The following PKHD1L1 variants were observed in gnomAD, a reference collection of about 807,000 sequenced individuals.
PKHD1L1 encodes PKHD1 like 1.
A neutral mutation model predicts 462.9 loss-of-function variants in PKHD1L1; 434 were observed. The observed-to-expected ratio is 0.94, with a 90% CI of 0.87 to 1.02. The LOEUF is 1.02. Among genes scored for constraint, PKHD1L1 ranks in the 50% least tolerant of loss-of-function variants. The pLI is 0.00. For synonymous variants in PKHD1L1, 1,781 were observed against 1,750.0 expected (o/e 1.02, Z -0.44); for missense variants, 5,202 against 5,096.1 (o/e 1.02, Z -0.63).
intron 67 of PKHD1L1, among the ~76,000 whole-genome samples, chr8:109,503,294 A>C (rs1192275480): frequency 2.9e-4 from 1 of 3,394 alleles, no homozygotes; most frequent in Non-Finnish European, 5.4e-4. Flanking sequence ...AACAAAAAAC[A>C]AAAACAAAAA....
chr8:109,526,849 C>T lies in PKHD1L1; in HGVS notation c.12550C>T (p.Leu4184=). 6.3e-7 allele frequency: 1 copy of T among 1,594,740 alleles called. No individual in the cohort carries two copies. Among genetic ancestry groups the T allele is most frequent in the Non-Finnish European group, 8.5e-7 (1 of 1,169,992 alleles). Residue 4184 remains leucine, a synonymous_variant, in exon 77 of 78, where the codon CTG becomes TTG. Transcript: ENST00000378402. The part of the protein sequence containing the change: ...VVGVESRTFS[L]LAESVSSSGS... ...TGGGGTAGAATCCAGAACTTTCAGC[C>T]TGCTGGCAGAGTCTGTCTCTAGCAG...
intron 19 of PKHD1L1, 139 bp downstream of exon 19, chr8:109,410,117 A>G (rs867550656): frequency 1.9e-5 from 10 of 532,014 alleles, no homozygotes; most frequent in Admixed American, 1.2e-4. Context: ...TTTGTTATAC[A>G]TTTGTTGTAA....
At chr8:109,443,138 A>G in intron 36 of PKHD1L1, 22 bp downstream of exon 36, 13 of 1,607,374 alleles carry the variant, frequency 8.1e-6, no homozygotes, top group Non-Finnish European at 1.1e-5. Context: ...AAAGATGGAA[A>G]CTCTGTTACA....
intron 13 of PKHD1L1, 145 bp downstream of exon 13, chr8:109,400,489 G>A (rs1207539313): frequency 1.0e-5 from 10 of 973,892 alleles, no homozygotes; most frequent in Non-Finnish European, 1.5e-5. Context: ...CTATTATCCT[G>A]GATATGATAC....
intron 73 of PKHD1L1, among the ~76,000 whole-genome samples, chr8:109,521,148 G>A (rs767022094): frequency 6.6e-6 from 1 of 152,188 alleles, no homozygotes; most frequent in African/African-American, 2.4e-5. Flanking sequence ...GACTGAAATA[G>A]CTTAGGACTG....
At chr8:109,479,115 C>T (rs1818142582) in intron 53 of PKHD1L1, among the ~76,000 whole-genome samples, 1 of 152,016 alleles carries the variant, frequency 6.6e-6, no homozygotes, top group African/African-American at 2.4e-5. Flanking sequence ...GAAAATATCA[C>T]CAATTTTATA....
rs1231450024 is a variant in PKHD1L1, at chr8:109,493,757, T to A, written c.10327+6T>A. 1 of 1,578,464 alleles carries A rather than the reference T, an allele frequency of 6.3e-7. No homozygotes were observed. The highest frequency in any genetic ancestry group is 1.2e-5 in the South Asian group (1 of 85,370). On this transcript the variant is annotated splice_donor_region_variant and intron_variant, in intron 63 of 77. Transcript: ENST00000378402. ...TGATGGTGAACCTTGCCCAGGTAAGTCTTTTAAACCAGGAATCGCTAAAAC... is the reference window on the plus strand; with the variant it reads ...TGATGGTGAACCTTGCCCAGGTAAGACTTTTAAACCAGGAATCGCTAAAAC...
chr8:109,510,979 T>C (rs748709678), intron 71 of PKHD1L1, 45 bp downstream of exon 71: 5 of 1,584,124 alleles, frequency 3.2e-6, no homozygotes, highest in South Asian at 1.1e-5. Context: ...ATTATTTGCA[T>C]GTTATTTCTA....
chr8:109,493,579 T>C (rs1241465245), intron 62 of PKHD1L1, 82 bp from the exon 63 acceptor site: 6 of 761,544 alleles, frequency 7.9e-6, no homozygotes, highest in Non-Finnish European at 1.2e-5. Flanking sequence ...TTTTCATAAG[T>C]GTATTGTCAT....
chr8:109,388,394 A>G (rs2130466245), intron 6 of PKHD1L1, 103 bp from the exon 7 acceptor site: 1 of 805,700 alleles, frequency 1.2e-6, no homozygotes, highest in Middle Eastern at 2.5e-4. Flanking sequence ...TAAGTGATTG[A>G]GAAAAAAAAT....
At chr8:109,374,001 T>C (rs1031899924) in intron 2 of PKHD1L1, among the ~76,000 whole-genome samples, 2 of 152,222 alleles carry the variant, frequency 1.3e-5, no homozygotes, top group African/African-American at 2.4e-5. Context: ...TGGAGAGTTC[T>C]GTAGATGTCT....
intron 47 of PKHD1L1, 125 bp downstream of exon 47, chr8:109,459,961 A>T: frequency 1.3e-6 from 1 of 796,446 alleles, no homozygotes; most frequent in Admixed American, 4.0e-5. Context: ...TAATTTAATG[A>T]TATTAATCTT....
intron 2 of PKHD1L1, among the ~76,000 whole-genome samples, chr8:109,371,759 G>A (rs1469351123): frequency 6.6e-6 from 1 of 151,506 alleles, no homozygotes; most frequent in Non-Finnish European, 1.5e-5. Flanking sequence ...ATTAAATAGG[G>A]AATCCTTTCC....
At chr8:109,419,468 T>C (rs377342496) in intron 22 of PKHD1L1, among the ~76,000 whole-genome samples, 1 of 152,180 alleles carries the variant, frequency 6.6e-6, no homozygotes, top group Non-Finnish European at 1.5e-5. Flanking sequence ...TAATGAAAAC[T>C]TTCTCACAAT....
intron 30 of PKHD1L1, among the ~76,000 whole-genome samples, chr8:109,436,738 C>T (rs942947002): frequency 6.6e-6 from 1 of 151,906 alleles, no homozygotes; most frequent in Non-Finnish European, 1.5e-5. Flanking sequence ...GAAGTAGTAA[C>T]AAAGTAAACA....
intron 57 of PKHD1L1, 93 bp from the exon 58 acceptor site, chr8:109,484,951 A>C: frequency 9.6e-7 from 1 of 1,041,532 alleles, no homozygotes; most frequent in Non-Finnish European, 1.4e-6. Context: ...CCAATGAGAT[A>C]TACATTAAAT....
In PKHD1L1 at chr8:109,425,082, T is replaced by C. The variant is rs776354326; in HGVS notation, c.2698-3T>C. 1 of 1,555,080 alleles carries C rather than the reference T, an allele frequency of 6.4e-7. No individual in the cohort carries two copies. The highest frequency in any genetic ancestry group is 2.1e-5 in the Admixed American group (1 of 46,692). On this transcript the variant is annotated splice_polypyrimidine_tract_variant and splice_region_variant and intron_variant, in intron 23 of 77. Coordinates refer to ENST00000378402, the MANE Select transcript of PKHD1L1 (RefSeq NM_177531.6). The stretch of plus-strand genomic sequence containing the variant: ...TTTTATCAATATTTATTTTGGAAAT[T>C]AGATAATCACACATGAGACAGAGAA...
intron 22 of PKHD1L1, 141 bp from the exon 23 acceptor site, chr8:109,420,377 T>G: frequency 1.9e-6 from 1 of 518,464 alleles, no homozygotes; most frequent in Non-Finnish European, 3.2e-6. Context: ...AAATACTTCA[T>G]GACAATGTTG....
chr8:109,527,361 G>A (rs1231066028), intron 77 of PKHD1L1, among the ~76,000 whole-genome samples: 1 of 151,988 alleles, frequency 6.6e-6, no homozygotes, highest in Non-Finnish European at 1.5e-5. Flanking sequence ...AAAATTAGCT[G>A]GGCATGGTGG....
Sources: gnomAD v4.1 joint callset for allele counts (sites outside exome capture counted in the v4.1 genomes callset) on GRCh38, gnomAD v4.1.1 for gene constraint, MANE v1.5 for transcripts, NCBI Gene and HGNC (gene_info 2026-07-23, HGNC 2026-07-21) for gene names.